PRNP: variants seen among roughly 807,000 people sequenced by gnomAD.
PRNP encodes major prion protein.
Under a neutral mutation model 21.3 loss-of-function variants are expected in PRNP, and 15 were observed. The observed-to-expected ratio is 0.71, with a 90% CI of 0.47 to 1.09. The LOEUF is 1.09. PRNP is among the 50% of genes least tolerant of loss of function. The pLI is 0.00. For missense variants in PRNP, 285 were observed against 340.9 expected (o/e 0.84, Z 1.29); for synonymous variants, 121 against 123.1 (o/e 0.98, Z 0.11).
intron 1 of PRNP, among the ~76,000 whole-genome samples, chr20:4,687,863 T>A (rs190812200): frequency 1.1e-4 from 16 of 152,326 alleles, no homozygotes; most frequent in Admixed American, 6.5e-4. Flanking sequence ...CAAATATAAT[T>A]ATCAAAAACA....
In PRNP at chr20:4,700,407, T is replaced by G. The variant is rs574438094; in HGVS notation, c.*425T>G. ...TAGAGATTTCATAGCTATTTAGAGATATTTTCCATTTTAAGAAAACCCGAC... is the reference window on the plus strand; with the variant it reads ...TAGAGATTTCATAGCTATTTAGAGAGATTTTCCATTTTAAGAAAACCCGAC... On this transcript the variant is annotated 3_prime_UTR_variant, in exon 2 of 2. Coordinates refer to ENST00000379440, the MANE Select transcript of PRNP (RefSeq NM_000311.5). The surrounding 1 kb of genome is among the most constrained non-coding windows in gnomAD (Gnocchi z 4.1). The G allele has an allele frequency of 3.1e-6, 1 of 322,974 alleles. No homozygotes were observed. Among genetic ancestry groups the G allele is most frequent in the East Asian group, 8.5e-5 (1 of 11,812 alleles). The allele number at this position is 322,974 out of a possible 1,614,324, so 20.0% of individuals were successfully genotyped here.
intron 1 of PRNP, among the ~76,000 whole-genome samples, chr20:4,692,801 T>G (rs144651871): frequency 6.6e-6 from 1 of 152,218 alleles, no homozygotes; most frequent in African/African-American, 2.4e-5. Flanking sequence ...ATAAGTTGGG[T>G]GCTGTTTTTT....
rs2122232655 is a variant in PRNP at position 4,700,371 on chromosome 20, C to T, written c.*389C>T. 2.6e-6 allele frequency: 1 copy of T among 385,124 alleles called. No homozygotes were observed. Among genetic ancestry groups the T allele is most frequent in the Non-Finnish European group, 5.2e-6 (1 of 191,548 alleles). The allele number at this position is 385,124 out of a possible 1,614,324, so 23.9% of individuals were successfully genotyped here. On this transcript the variant is annotated 3_prime_UTR_variant, in exon 2 of 2. Transcript: ENST00000379440. The surrounding 1 kb of genome is among the most constrained non-coding windows in gnomAD (Gnocchi z 4.1). ...GCAGCTAGAGCTCAGTATACTAATG[C>T]CCTATCTTAGTAGAGATTTCATAGC...
chr20:4,692,700 A>G (rs944509373), intron 1 of PRNP, among the ~76,000 whole-genome samples: 1 of 152,176 alleles, frequency 6.6e-6, no homozygotes, highest in East Asian at 1.9e-4. Context: ...TTCCTAACCT[A>G]TTAATAGAGC....
intron 1 of PRNP, among the ~76,000 whole-genome samples, chr20:4,692,602 C>G (rs1409007695): frequency 6.6e-6 from 1 of 152,096 alleles, no homozygotes; most frequent in Non-Finnish European, 1.5e-5. Flanking sequence ...TCTATAGAAA[C>G]GTTTTAAAAA....
intron 1 of PRNP, among the ~76,000 whole-genome samples, chr20:4,694,943 T>C (rs13045348): frequency 0.16 from 24,071 of 152,002 alleles, 2,389 homozygotes; most frequent in Admixed American, 0.24. Flanking sequence ...AGGTAAATGA[T>C]CAGTTATATC....
Position 4,699,689 on chromosome 20 carries a change from T to TA in PRNP, c.470dup (p.Tyr157Ter). Residue 157 changes from tyrosine to a stop codon, truncating the protein, a stop_gained and frameshift_variant, in exon 2 of 2, where the codon TAC (tyrosine) becomes TAAC (stop). Transcript: ENST00000379440. LOFTEE classifies it high-confidence loss of function. The surrounding 1 kb of genome is among the most constrained non-coding windows in gnomAD (Gnocchi z 5.8). The part of the protein sequence containing the change: ...DRYYRENMHR[Y>*]PNQVYYRPMD... ...TTACTATCGTGAAAACATGCACCGTTACCCCAACCAAGTGTACTACAGGCC... is the reference window on the plus strand; with the variant it reads ...TTACTATCGTGAAAACATGCACCGTTAACCCCAACCAAGTGTACTACAGGCC... The TA allele has an allele frequency of 6.2e-7, 1 of 1,614,018 alleles. No homozygotes were observed. Among genetic ancestry groups the TA allele is most frequent in the Non-Finnish European group, 8.5e-7 (1 of 1,180,012 alleles).
At chr20:4,692,570 G>C (rs1385643825) in intron 1 of PRNP, among the ~76,000 whole-genome samples, 10 of 152,076 alleles carry the variant, frequency 6.6e-5, no homozygotes, top group Admixed American at 4.6e-4. Flanking sequence ...TCTTTATGAT[G>C]GAAAGAGACT....
At chr20:4,696,552 A>G (rs1253778673) in intron 1 of PRNP, among the ~76,000 whole-genome samples, 1 of 152,174 alleles carries the variant, frequency 6.6e-6, no homozygotes, top group Non-Finnish European at 1.5e-5. Flanking sequence ...TGATCACACT[A>G]ATTGCAAATA....
chr20:4,695,811 A>G (rs1272483634), intron 1 of PRNP, among the ~76,000 whole-genome samples: 1 of 152,164 alleles, frequency 6.6e-6, no homozygotes, highest in East Asian at 1.9e-4. Context: ...TACCTTTCAC[A>G]TGTAAGTCTT....
At position 4,697,447 on chromosome 20, in the gene PRNP, G is replaced by A. The variant is rs1483571059; in HGVS notation, c.-10-1764G>A. ...ACTGCTCCAGAGAATAATGAAGCCA[G>A]GAAAGGGGGTGGGCTAGGGGGTGCT... On this transcript the variant is annotated intron_variant, in intron 1 of 1. Coordinates refer to ENST00000379440, the MANE Select transcript of PRNP (RefSeq NM_000311.5). The surrounding 1 kb of genome is among the most constrained non-coding windows in gnomAD (Gnocchi z 4.6). Among the ~76,000 whole-genome samples the A allele has an allele frequency of 6.6e-6, 1 of 152,204 alleles. No homozygotes were observed. Among genetic ancestry groups the A allele is most frequent in the African/African-American group, 2.4e-5 (1 of 41,454 alleles).
chr20:4,693,164 T>C (rs1921941909), intron 1 of PRNP, among the ~76,000 whole-genome samples: 1 of 152,084 alleles, frequency 6.6e-6, no homozygotes, highest in African/African-American at 2.4e-5. Context: ...CTCTCACTCC[T>C]CCATCCACTC....
chr20:4,689,510 CAG>C (rs1049628704), intron 1 of PRNP, among the ~76,000 whole-genome samples: 4 of 152,162 alleles, frequency 2.6e-5, no homozygotes, highest in Non-Finnish European at 5.9e-5. Context: ...AATAACATAA[CAG>C]AAGTTTCTGC....
rs555230730 is a variant in PRNP, at chr20:4,699,604, C to T, written c.384C>T (p.Tyr128=). Residue 128 remains tyrosine, a synonymous_variant, in exon 2 of 2, where the codon TAC becomes TAT. Transcript: ENST00000379440. This position sits in a 1 kb window ranked among gnomAD's most constrained non-coding sequence, Gnocchi z 5.8. ...CAGTGGTGGGGGGCCTTGGCGGCTACATGCTGGGAAGTGCCATGAGCAGGC... is the reference window on the plus strand; with the variant it reads ...CAGTGGTGGGGGGCCTTGGCGGCTATATGCTGGGAAGTGCCATGAGCAGGC... ...AGAVVGGLGG[Y]MLGSAMSRPI... The T allele has an allele frequency of 7.9e-5, 128 of 1,614,114 alleles. 1 individual carries two copies. The South Asian group carries it at 1.2e-3, about 15-fold the overall frequency.
At chr20:4,695,386 T>C (rs1207773811) in intron 1 of PRNP, among the ~76,000 whole-genome samples, 1 of 152,202 alleles carries the variant, frequency 6.6e-6, no homozygotes. Flanking sequence ...ACATGTAGAA[T>C]TGGGTTTTCT....
chr20:4,694,821 A>AT (rs991853497), intron 1 of PRNP, among the ~76,000 whole-genome samples: 58 of 151,662 alleles, frequency 3.8e-4, no homozygotes, highest in African/African-American at 1.3e-3. Flanking sequence ...TCTTTAAAAG[A>AT]TTTTTTTTGT....
In PRNP at chr20:4,697,737, A is replaced by G. The variant is rs560756989; in HGVS notation, c.-10-1474A>G. On this transcript the variant is annotated intron_variant, in intron 1 of 1. Transcript: ENST00000379440. This position sits in a 1 kb window ranked among gnomAD's most constrained non-coding sequence, Gnocchi z 4.6. ...GGCATGATGTGACCCGCATATTAAGAGGAGAGCGCTCAATGGCAGCCAGGG... is the reference window on the plus strand; with the variant it reads ...GGCATGATGTGACCCGCATATTAAGGGGAGAGCGCTCAATGGCAGCCAGGG... Among the ~76,000 whole-genome samples, 3 of 152,306 alleles carry G rather than the reference A, an allele frequency of 2.0e-5. No homozygotes were observed. Among genetic ancestry groups the G allele is most frequent in the Non-Finnish European group, 1.5e-5 (1 of 68,014 alleles).
At chr20:4,689,075 T>C (rs1373222643) in intron 1 of PRNP, among the ~76,000 whole-genome samples, 2 of 152,204 alleles carry the variant, frequency 1.3e-5, no homozygotes, top group African/African-American at 4.8e-5. Context: ...GTGTATTGGG[T>C]TTTTTTAAGA....
intron 1 of PRNP, among the ~76,000 whole-genome samples, chr20:4,688,843 G>A (rs1005187118): frequency 7.2e-5 from 11 of 152,114 alleles, no homozygotes; most frequent in Admixed American, 2.6e-4. Context: ...TGAAATTGTC[G>A]GTGATCTTAA....
Sources: allele counts gnomAD v4.1 joint callset (sites outside exome capture counted in the v4.1 genomes callset), GRCh38; gene constraint gnomAD v4.1.1; non-coding constraint Gnocchi (gnomAD v3.1); transcripts MANE v1.5; gene names NCBI Gene and HGNC (gene_info 2026-07-23, HGNC 2026-07-21).